LINGO2: variants seen among roughly 807,000 people sequenced by gnomAD.
LINGO2 encodes leucine rich repeat and Ig domain containing 2.
Under a neutral mutation model 30.6 loss-of-function variants are expected in LINGO2, and 14 were observed. The observed-to-expected ratio is 0.46, with a 90% CI of 0.30 to 0.72. The LOEUF (loss-of-function observed/expected upper bound fraction) is 0.72, where lower values mean the gene tolerates loss of function less well. Among genes scored for constraint, LINGO2 ranks in the 30% least tolerant of loss-of-function variants. The pLI, the probability that LINGO2 is intolerant of heterozygous loss-of-function variation, is 0.07. For missense variants in LINGO2, 729 were observed against 751.7 expected (o/e 0.97, Z 0.35); for synonymous variants, 317 against 288.5 (o/e 1.10, Z -1.00).
intron 3 of LINGO2, among the ~76,000 whole-genome samples, chr9:28,312,070 T>C (rs1824644671): frequency 6.6e-6 from 1 of 152,174 alleles, no homozygotes; most frequent in Non-Finnish European, 1.5e-5. Flanking sequence ...CAAGTAAGGC[T>C]TCTTCTGAAA....
chr9:28,691,627 T>A, the LINGO2 span, among the ~76,000 whole-genome samples: 18 of 152,134 alleles, frequency 1.2e-4, 1 homozygote, highest in Non-Finnish European at 1.3e-4. Context: ...TATTAAAAAA[T>A]TTAAAAGAAT....
chr9:28,140,884 G>A (rs1490061886), intron 4 of LINGO2, among the ~76,000 whole-genome samples: 3 of 151,602 alleles, frequency 2.0e-5, no homozygotes, highest in Non-Finnish European at 2.9e-5. Context: ...TAAATGAAAA[G>A]TATTCCTTGT....
chr9:28,803,464 C>A, the LINGO2 span, among the ~76,000 whole-genome samples: 2 of 151,632 alleles, frequency 1.3e-5, no homozygotes, highest in African/African-American at 2.4e-5. Context: ...GATGATAATT[C>A]TGAACAAAGA....
At chr9:28,209,788 A>G (rs1203386136) in intron 4 of LINGO2, among the ~76,000 whole-genome samples, 3 of 151,802 alleles carry the variant, frequency 2.0e-5, no homozygotes, top group African/African-American at 7.2e-5. Flanking sequence ...TGGCAAGGTT[A>G]ATCAGATAAT....
chr9:28,017,373 C>G (rs982940446), intron 4 of LINGO2, among the ~76,000 whole-genome samples: 3 of 152,016 alleles, frequency 2.0e-5, no homozygotes, highest in Admixed American at 6.6e-5. Context: ...AACAGGCATG[C>G]AAATAGGAAG....
the LINGO2 span, among the ~76,000 whole-genome samples, chr9:29,120,633 C>A: frequency 4.6e-5 from 7 of 152,134 alleles, no homozygotes; most frequent in African/African-American, 1.2e-4. Context: ...ACGTGCTATG[C>A]TTCTGAATAA....
chr9:27,971,855 G>A (rs1272115355), intron 5 of LINGO2, among the ~76,000 whole-genome samples: 1 of 152,136 alleles, frequency 6.6e-6, no homozygotes, highest in East Asian at 1.9e-4. Context: ...TCCTCTGGAG[G>A]ATAAATTTCT....
intron 2 of LINGO2, among the ~76,000 whole-genome samples, chr9:28,447,019 C>A (rs769708612): frequency 1.3e-5 from 2 of 152,194 alleles, no homozygotes; most frequent in Non-Finnish European, 2.9e-5. Flanking sequence ...TGCCCTCCCC[C>A]TCAGTGCCCA....
the LINGO2 span, among the ~76,000 whole-genome samples, chr9:29,055,056 T>A: frequency 6.6e-6 from 1 of 151,940 alleles, no homozygotes; most frequent in Non-Finnish European, 1.5e-5. Context: ...CCATCTCTAC[T>A]AAAAATACAA....
chr9:28,518,139 G>A (rs117036820), intron 1 of LINGO2, among the ~76,000 whole-genome samples: 2,015 of 152,098 alleles, frequency 0.013, 31 homozygotes, highest in Non-Finnish European at 0.018. Context: ...TTACAACTTG[G>A]AGAGGACTCA....
At chr9:28,612,578 C>T (rs1262214400) in intron 1 of LINGO2, among the ~76,000 whole-genome samples, 1 of 152,102 alleles carries the variant, frequency 6.6e-6, no homozygotes, top group African/African-American at 2.4e-5. Context: ...TTGCATGGGG[C>T]TTGTAGACCC....
At chr9:28,021,987 T>C (rs1823150572) in intron 4 of LINGO2, among the ~76,000 whole-genome samples, 1 of 152,052 alleles carries the variant, frequency 6.6e-6, no homozygotes, top group Non-Finnish European at 1.5e-5. Flanking sequence ...TTGATAAAAC[T>C]GGATTAATAT....
At chr9:28,138,194 G>A (rs184822498) in intron 4 of LINGO2, among the ~76,000 whole-genome samples, 1 of 152,264 alleles carries the variant, frequency 6.6e-6, no homozygotes, top group African/African-American at 2.4e-5. Flanking sequence ...CAAGACTCTG[G>A]TCTGCACTAT....
the LINGO2 span, among the ~76,000 whole-genome samples, chr9:28,974,848 T>A: frequency 6.6e-6 from 1 of 152,004 alleles, no homozygotes; most frequent in African/African-American, 2.4e-5. Context: ...AAATCCTGAC[T>A]CAAAATTAAG....
intron 1 of LINGO2, among the ~76,000 whole-genome samples, chr9:28,564,153 A>T (rs1823244791): frequency 6.6e-6 from 1 of 152,154 alleles, no homozygotes; most frequent in African/African-American, 2.4e-5. Flanking sequence ...GGGAAAAGTA[A>T]AATAACAAAA....
the LINGO2 span, among the ~76,000 whole-genome samples, chr9:29,060,700 A>G: frequency 6.6e-6 from 1 of 151,956 alleles, no homozygotes; most frequent in Non-Finnish European, 1.5e-5. Flanking sequence ...AGAAATATAA[A>G]TCATTAAAAA....
At chr9:28,262,862 A>G (rs1055955623) in intron 4 of LINGO2, among the ~76,000 whole-genome samples, 5 of 152,008 alleles carry the variant, frequency 3.3e-5, no homozygotes, top group African/African-American at 1.2e-4. Context: ...TCCTGGGAGT[A>G]AGAGCAACTA....
At position 28,281,016 on chromosome 9, in the gene LINGO2, T is replaced by C. The variant is rs138077904; in HGVS notation, c.-87+14192A>G. The stretch of plus-strand genomic sequence containing the variant: ...TATTTATTATGATCATTTGTAACAG[T>C]CTTTTAAAAAACTTTCTTTCAAATA... On this transcript the variant is annotated intron_variant, in intron 4 of 5. Transcript: ENST00000379992. Among the ~76,000 whole-genome samples, 429 of 152,226 alleles carry C rather than the reference T, an allele frequency of 2.8e-3. 1 individual carries two copies. Among genetic ancestry groups the C allele is most frequent in the African/African-American group, 9.7e-3 (405 of 41,562 alleles).
intron 3 of LINGO2, among the ~76,000 whole-genome samples, chr9:28,356,518 A>G (rs192037107): frequency 1.1e-4 from 16 of 152,274 alleles, no homozygotes; most frequent in Admixed American, 1.0e-3. Context: ...GTTTAATCAT[A>G]AAATTGCTGC....
Sources: allele counts gnomAD v4.1 joint callset (sites outside exome capture counted in the v4.1 genomes callset), GRCh38; gene constraint gnomAD v4.1.1; transcripts MANE v1.5; gene names NCBI Gene and HGNC (gene_info 2026-07-23, HGNC 2026-07-21).